The following MYO1D variants were observed in gnomAD, a reference collection of about 807,000 sequenced individuals.
MYO1D encodes unconventional myosin-Id.
In MYO1D, 83 loss-of-function variants were observed where a neutral mutation model predicts 122.0. The observed-to-expected ratio is 0.68, with a 90% CI of 0.57 to 0.82. The LOEUF (loss-of-function observed/expected upper bound fraction) is 0.82, where lower values mean the gene tolerates loss of function less well. Ranked by LOEUF, MYO1D falls within the 40% of genes least tolerant of loss-of-function variation. MYO1D has a pLI of 0.00. For missense variants in MYO1D, 1,157 were observed against 1,269.5 expected (o/e 0.91, Z 1.35); for synonymous variants, 464 against 446.9 (o/e 1.04, Z -0.48).
At chr17:32,527,616 G>C (rs1246791247) in intron 21 of MYO1D, among the ~76,000 whole-genome samples, 1 of 151,212 alleles carries the variant, frequency 6.6e-6, no homozygotes, top group Admixed American at 6.6e-5. Flanking sequence ...AACATAGTGA[G>C]ACCCCGTCTA....
At chr17:32,595,387 CTTGAT>C (rs1329131750) in intron 21 of MYO1D, among the ~76,000 whole-genome samples, 5 of 151,992 alleles carry the variant, frequency 3.3e-5, no homozygotes, top group Admixed American at 3.3e-4. Context: ...TGCTAATTAC[CTTGAT>C]TTGATCATTA....
chr17:32,639,742 C>T (rs938557204), intron 19 of MYO1D, among the ~76,000 whole-genome samples: 5 of 152,056 alleles, frequency 3.3e-5, no homozygotes, highest in African/African-American at 1.2e-4. Context: ...ATTTTTGAAC[C>T]ACTACGATAT....
chr17:32,593,218 G>A (rs2087457228), intron 21 of MYO1D, among the ~76,000 whole-genome samples: 1 of 152,198 alleles, frequency 6.6e-6, no homozygotes, highest in South Asian at 2.1e-4. Context: ...GCTGGAAAAG[G>A]AGATATAGAG....
At chr17:32,813,165 A>C (rs1428497355) in intron 1 of MYO1D, among the ~76,000 whole-genome samples, 1 of 152,214 alleles carries the variant, frequency 6.6e-6, no homozygotes, top group African/African-American at 2.4e-5. Context: ...CACTCTACAG[A>C]CAAGTCTGAA....
At chr17:32,740,544 T>C (rs1209412874) in intron 13 of MYO1D, among the ~76,000 whole-genome samples, 6 of 152,198 alleles carry the variant, frequency 3.9e-5, no homozygotes, top group Non-Finnish European at 5.9e-5. Context: ...AGTGGTGAGA[T>C]GATAGCTCAC....
intron 12 of MYO1D, 90 bp from the exon 13 acceptor site, chr17:32,745,375 G>T: frequency 1.4e-6 from 1 of 729,212 alleles, no homozygotes; most frequent in East Asian, 2.7e-5. Context: ...CCTTTCCACC[G>T]TTAATTATGC....
chr17:32,670,673 C>G (rs368795337), intron 16 of MYO1D, among the ~76,000 whole-genome samples: 2 of 152,326 alleles, frequency 1.3e-5, no homozygotes, highest in African/African-American at 4.8e-5. Flanking sequence ...ATACCCTTCC[C>G]TGTTTTTACA....
intron 16 of MYO1D, among the ~76,000 whole-genome samples, chr17:32,704,422 C>A (rs968996514): frequency 6.6e-6 from 1 of 152,122 alleles, no homozygotes; most frequent in African/African-American, 2.4e-5. Context: ...ATAACCAGTG[C>A]ATCAGTGAGA....
intron 21 of MYO1D, among the ~76,000 whole-genome samples, chr17:32,592,400 A>C (rs999145212): frequency 1.3e-5 from 2 of 152,202 alleles, no homozygotes; most frequent in African/African-American, 2.4e-5. Flanking sequence ...TCACTTAGCA[A>C]CATGCACTTA....
chr17:32,666,702 T>A (rs1045645003), intron 16 of MYO1D, among the ~76,000 whole-genome samples: 6 of 152,104 alleles, frequency 3.9e-5, no homozygotes, highest in African/African-American at 1.4e-4. Flanking sequence ...TAGTTCCCCA[T>A]GTTTTGTTTT....
chr17:32,676,473 A>G (rs1018550150), intron 16 of MYO1D, among the ~76,000 whole-genome samples: 16 of 150,154 alleles, frequency 1.1e-4, no homozygotes, highest in African/African-American at 3.9e-4. Context: ...TTTGCCTTTT[A>G]TCATTTCCTG....
At chr17:32,535,572 C>A (rs536929081) in intron 21 of MYO1D, among the ~76,000 whole-genome samples, 32 of 152,180 alleles carry the variant, frequency 2.1e-4, no homozygotes, top group Non-Finnish European at 3.4e-4. Context: ...ATGGTGAAAC[C>A]CCATCTCTAC....
intron 16 of MYO1D, 73 bp downstream of exon 16, chr17:32,711,915 A>G: frequency 8.0e-7 from 1 of 1,242,938 alleles, no homozygotes; most frequent in Non-Finnish European, 1.1e-6. Flanking sequence ...TTCTTGAATT[A>G]AAGAAAATAT....
intron 21 of MYO1D, among the ~76,000 whole-genome samples, chr17:32,524,267 C>A (rs369345249): frequency 7.8e-4 from 119 of 152,306 alleles, no homozygotes; most frequent in African/African-American, 2.6e-3. Flanking sequence ...TTCCTTCCGA[C>A]GTCAACTCAC....
intron 4 of MYO1D, among the ~76,000 whole-genome samples, chr17:32,774,612 G>C (rs2090155713): frequency 6.6e-6 from 1 of 152,180 alleles, no homozygotes; most frequent in South Asian, 2.1e-4. Flanking sequence ...AAATACTGCT[G>C]TTAGGAGAGG....
At chr17:32,836,728 CATA>C (rs1439806544) in intron 1 of MYO1D, among the ~76,000 whole-genome samples, 1 of 152,076 alleles carries the variant, frequency 6.6e-6, no homozygotes, top group Non-Finnish European at 1.5e-5. Context: ...ATTATAGTTA[CATA>C]ATGACATCAT....
chr17:32,736,885 G>A (rs747781104), intron 14 of MYO1D, among the ~76,000 whole-genome samples: 3 of 152,184 alleles, frequency 2.0e-5, no homozygotes, highest in African/African-American at 4.8e-5. Context: ...AGATACAAGA[G>A]TGAAGAGTCC....
At chr17:32,753,845 C>T (rs1441641807) in intron 11 of MYO1D, among the ~76,000 whole-genome samples, 13 of 151,420 alleles carry the variant, frequency 8.6e-5, no homozygotes, top group African/African-American at 3.2e-4. Context: ...TTGCAGTGAG[C>T]CAAGATTGCA....
chr17:32,616,195 T>C (rs945925096), intron 20 of MYO1D, among the ~76,000 whole-genome samples: 10 of 152,228 alleles, frequency 6.6e-5, no homozygotes, highest in African/African-American at 2.2e-4. Flanking sequence ...GGAACTCTAC[T>C]TAAGGAACTG....
Sources: gnomAD v4.1 joint callset for allele counts (sites outside exome capture counted in the v4.1 genomes callset) on GRCh38, gnomAD v4.1.1 for gene constraint, MANE v1.5 for transcripts, NCBI Gene and HGNC (gene_info 2026-07-23, HGNC 2026-07-21) for gene names.